Variants in HTT observed in about 807,000 individuals in gnomAD.
HTT encodes huntingtin, also known as huntington disease protein.
HTT carries 104 observed loss-of-function variants against 362.3 expected under a neutral mutation model. The ratio of observed to expected loss-of-function variants is 0.29; its 90% CI spans 0.24 to 0.34. The LOEUF (loss-of-function observed/expected upper bound fraction) is 0.34, where lower values mean the gene tolerates loss of function less well. Ranked by LOEUF, HTT falls within the 10% of genes least tolerant of loss-of-function variation. HTT has a pLI of 1.00. For missense variants in HTT, 3,301 were observed against 3,928.6 expected, an observed-to-expected ratio of 0.84 and a Z score of 4.27; for synonymous variants, 1,577 against 1,548.7, an observed-to-expected ratio of 1.02 and a Z score of -0.43.
intron 13 of HTT, 93 bp downstream of exon 13, chr4:3,130,140 A>T (rs897230898): frequency 4.7e-5 from 64 of 1,354,156 alleles, no homozygotes; most frequent in South Asian, 4.1e-4. Context: ...AAGTCCTTTG[A>T]TACTGTTTTC....
Position 3,130,373 on chromosome 4 carries a change from A to C in HTT, c.1936A>C (p.Lys646Gln), listed in dbSNP as rs562787248. The C allele has an allele frequency of 6.2e-7, 1 of 1,609,714 alleles. No individual in the cohort carries two copies. Among genetic ancestry groups the C allele is most frequent in the South Asian group, 1.1e-5 (1 of 90,334 alleles). ...CRQPSDSSVDKFVLRDEATEP... is the reference protein window; with the variant it reads ...CRQPSDSSVDQFVLRDEATEP... ...GCAGCCTTCTGACAGCAGTGTTGAT[A>C]AATTTGTGTTGAGAGATGAAGCTAC... The change falls in exon 14 of 67, where the codon AAA becomes CAA. Residue 646 changes from lysine to glutamine, a missense_variant. Transcript: ENST00000355072.
chr4:3,192,139 T>G (rs1719040937), intron 40 of HTT, among the ~76,000 whole-genome samples: 1 of 152,178 alleles, frequency 6.6e-6, no homozygotes, highest in Non-Finnish European at 1.5e-5. Context: ...TGAAGTGCAG[T>G]GCGAGGCTCA....
intron 33 of HTT, among the ~76,000 whole-genome samples, chr4:3,176,025 G>GTTTGTTTT (rs1553917204): frequency 7.2e-6 from 1 of 139,130 alleles, no homozygotes; most frequent in African/African-American, 3.0e-5. Context: ...GTTGTTGTTT[G>GTTTGTTTT]TTTTTTTTTG....
intron 1 of HTT, among the ~76,000 whole-genome samples, chr4:3,081,550 C>CTTTTTTTTTTTT (rs770325842): frequency 3.5e-5 from 3 of 84,526 alleles, no homozygotes; most frequent in African/African-American, 4.2e-5. Flanking sequence ...GAAAGCATTT[C>CTTTTTTTTTTTT]TTTTTTTTTT....
At chr4:3,183,964 C>G (rs1364177917) in intron 37 of HTT, among the ~76,000 whole-genome samples, 2 of 152,126 alleles carry the variant, frequency 1.3e-5, no homozygotes, top group African/African-American at 4.8e-5. Context: ...TAAAGAAAGA[C>G]CCCCTGCCTT....
chr4:3,164,946 G>C (rs1244356949), intron 29 of HTT, among the ~76,000 whole-genome samples: 2 of 152,166 alleles, frequency 1.3e-5, no homozygotes, highest in African/African-American at 4.8e-5. Context: ...TGCTATGTGT[G>C]AATTTGATCC....
chr4:3,178,237 C>T (rs2110237915), intron 34 of HTT, 61 bp from the exon 35 acceptor site: 2 of 1,231,340 alleles, frequency 1.6e-6, no homozygotes, highest in Non-Finnish European at 2.3e-6. Flanking sequence ...TTTTATGTTG[C>T]TTATATTGAT....
At chr4:3,104,108 T>C (rs541887261) in intron 4 of HTT, among the ~76,000 whole-genome samples, 1 of 152,218 alleles carries the variant, frequency 6.6e-6, no homozygotes, top group Admixed American at 6.5e-5. Context: ...ACTTATTTTA[T>C]TTTATTTTTG....
At chr4:3,143,026 G>A (rs1716421745) in intron 23 of HTT, 140 bp downstream of exon 23, 1 of 606,792 alleles carries the variant, frequency 1.6e-6, no homozygotes, top group Non-Finnish European at 2.9e-6. Flanking sequence ...CTAAGAAATT[G>A]TGCTTCTGTG....
At chr4:3,083,954 G>A (rs1423467874) in intron 1 of HTT, among the ~76,000 whole-genome samples, 2 of 152,156 alleles carry the variant, frequency 1.3e-5, no homozygotes, top group Non-Finnish European at 2.9e-5. Flanking sequence ...CTGATAGCAT[G>A]CAACAGTTTA....
chr4:3,182,103 T>C (rs1339438628), intron 36 of HTT, among the ~76,000 whole-genome samples: 1 of 152,232 alleles, frequency 6.6e-6, no homozygotes, highest in Non-Finnish European at 1.5e-5. Context: ...ATAACAATGA[T>C]GGCAAATCCT....
intron 40 of HTT, among the ~76,000 whole-genome samples, chr4:3,191,555 T>C (rs1449581170): frequency 6.6e-6 from 1 of 152,150 alleles, no homozygotes; most frequent in Non-Finnish European, 1.5e-5. Flanking sequence ...AGAATGAAAA[T>C]GTCTTCGGTT....
chr4:3,160,522 C>A, intron 29 of HTT, 130 bp downstream of exon 29: 1 of 676,014 alleles, frequency 1.5e-6, no homozygotes, highest in South Asian at 1.7e-5. Flanking sequence ...GCCCCACGTG[C>A]TTGCGTCACA....
chr4:3,208,146 C>T (rs1347930800), intron 45 of HTT, among the ~76,000 whole-genome samples: 1 of 152,092 alleles, frequency 6.6e-6, no homozygotes, highest in Admixed American at 6.5e-5. Flanking sequence ...TGGGATTGGG[C>T]ACAATTAGGT....
chr4:3,083,731 T>G (rs1163261869), intron 1 of HTT, among the ~76,000 whole-genome samples: 1 of 152,138 alleles, frequency 6.6e-6, no homozygotes, highest in Admixed American at 6.6e-5. Flanking sequence ...TGGCAGTTTG[T>G]CATAAAACTG....
chr4:3,142,563 G>A (rs146685245), intron 22 of HTT, among the ~76,000 whole-genome samples: 6 of 152,166 alleles, frequency 3.9e-5, no homozygotes, highest in Non-Finnish European at 7.4e-5. Flanking sequence ...AAAAGTGTTC[G>A]GGGCAGACTG....
intron 47 of HTT, 148 bp downstream of exon 47, chr4:3,210,097 C>T (rs1720081649): frequency 1.0e-6 from 1 of 979,424 alleles, no homozygotes; most frequent in Admixed American, 2.0e-5. Flanking sequence ...AGAGACTCCA[C>T]TCTGAATGGG....
chr4:3,225,830 G>A, intron 57 of HTT, 87 bp downstream of exon 57: 1 of 873,912 alleles, frequency 1.1e-6, no homozygotes, highest in Non-Finnish European at 1.8e-6. Flanking sequence ...AAAGCTCAGT[G>A]CACTTTTTAA....
At chr4:3,184,291 A>G (rs976108572) in intron 37 of HTT, among the ~76,000 whole-genome samples, 1 of 152,026 alleles carries the variant, frequency 6.6e-6, no homozygotes, top group Non-Finnish European at 1.5e-5. Context: ...CTGTTAGGGT[A>G]CAAGCAATGA....
Sources: allele counts gnomAD v4.1 joint callset (sites outside exome capture counted in the v4.1 genomes callset), GRCh38; gene constraint gnomAD v4.1.1; transcripts MANE v1.5; gene names NCBI Gene and HGNC (gene_info 2026-07-23, HGNC 2026-07-21).